FBXO28: variants seen among roughly 807,000 people sequenced by gnomAD.
The protein encoded by FBXO28 is F-box only protein 28.
A neutral mutation model predicts 38.1 loss-of-function variants in FBXO28; 8 were observed. The observed-to-expected ratio is 0.21, with a 90% CI of 0.12 to 0.38. The LOEUF (loss-of-function observed/expected upper bound fraction) is 0.38, where lower values mean the gene tolerates loss of function less well. FBXO28 is among the 10% of genes least tolerant of loss of function. FBXO28 has a pLI of 1.00. For missense variants in FBXO28, 345 were observed against 460.6 expected (o/e 0.75, Z 2.30); for synonymous variants, 168 against 173.8 (o/e 0.97, Z 0.26).
intron 1 of FBXO28, 70 bp from the exon 2 acceptor site, chr1:224,130,402 C>A: frequency 2.0e-6 from 2 of 982,186 alleles, no homozygotes; most frequent in Non-Finnish European, 3.2e-6. Flanking sequence ...AGCTTTAAGC[C>A]ATCAGTTATG....
chr1:224,118,913 T>A (rs1656706461), intron 1 of FBXO28, among the ~76,000 whole-genome samples: 1 of 152,166 alleles, frequency 6.6e-6, no homozygotes, highest in Non-Finnish European at 1.5e-5. Context: ...TGTCAGCACA[T>A]GTCATATTGC....
At chr1:224,121,400 T>A (rs891148742) in intron 1 of FBXO28, among the ~76,000 whole-genome samples, 2 of 152,250 alleles carry the variant, frequency 1.3e-5, no homozygotes, top group East Asian at 3.8e-4. Flanking sequence ...CTAAAATTTG[T>A]TGTAATTCTA....
At chr1:224,135,808 G>A (rs971424248) in intron 3 of FBXO28, among the ~76,000 whole-genome samples, 3 of 152,056 alleles carry the variant, frequency 2.0e-5, no homozygotes, top group Non-Finnish European at 2.9e-5. Context: ...AGGCCGAGAC[G>A]GGCAGATCAC....
chr1:224,126,788 C>T lies in FBXO28; in HGVS notation c.268-3684C>T, dbSNP rs1656913553. 3.3e-5 allele frequency among the ~76,000 whole-genome samples: 5 copies of T among 152,120 alleles called. No homozygotes were observed. The South Asian group carries it at 1.0e-3, about 31-fold the overall frequency. Reference sequence around the variant, plus strand: ...TCACGCCACTGCACCCCAGCCTGGGCAACAGAGCAAGACTCCCTCTAAAAA... The same window carrying T: ...TCACGCCACTGCACCCCAGCCTGGGTAACAGAGCAAGACTCCCTCTAAAAA... On this transcript the variant is annotated intron_variant, in intron 1 of 4. Coordinates refer to ENST00000366862, the MANE Select transcript of FBXO28 (RefSeq NM_015176.4).
chr1:224,150,742 C>G (rs1161821446), intron 3 of FBXO28, among the ~76,000 whole-genome samples: 2 of 152,114 alleles, frequency 1.3e-5, no homozygotes, highest in Admixed American at 6.6e-5. Context: ...TCAGTCTTAC[C>G]TTACAAATGG....
intron 1 of FBXO28, among the ~76,000 whole-genome samples, chr1:224,129,841 T>A (rs1373221507): frequency 6.6e-6 from 1 of 152,028 alleles, no homozygotes; most frequent in South Asian, 2.1e-4. Context: ...TACAAAAAAA[T>A]TAGCCGGGCG....
At chr1:224,122,767 C>G (rs1441870875) in intron 1 of FBXO28, among the ~76,000 whole-genome samples, 2 of 152,136 alleles carry the variant, frequency 1.3e-5, no homozygotes, top group Non-Finnish European at 2.9e-5. Context: ...GAAGGTCTTG[C>G]GCTAGCTCCA....
At chr1:224,148,365 A>C (rs1025366620) in intron 3 of FBXO28, among the ~76,000 whole-genome samples, 6 of 152,166 alleles carry the variant, frequency 3.9e-5, no homozygotes, top group African/African-American at 1.4e-4. Flanking sequence ...ATATGTTAAG[A>C]AACGGCCAGG....
chr1:224,138,047 G>A (rs757811736), intron 3 of FBXO28, among the ~76,000 whole-genome samples: 1 of 151,668 alleles, frequency 6.6e-6, no homozygotes, highest in Non-Finnish European at 1.5e-5. Flanking sequence ...GGCCAACATG[G>A]TGAAACCCTG....
intron 3 of FBXO28, among the ~76,000 whole-genome samples, chr1:224,140,714 G>A (rs963023419): frequency 5.3e-5 from 8 of 152,262 alleles, no homozygotes; most frequent in Admixed American, 3.3e-4. Flanking sequence ...GGAGGCTGAG[G>A]TGGGCGGATC....
At chr1:224,115,671 T>C (rs947162995) in intron 1 of FBXO28, among the ~76,000 whole-genome samples, 3 of 152,238 alleles carry the variant, frequency 2.0e-5, no homozygotes, top group Admixed American at 2.0e-4. Context: ...TCCAAAACGT[T>C]TTCATTCTAG....
At chr1:224,147,420 C>A (rs375435774) in intron 3 of FBXO28, among the ~76,000 whole-genome samples, 272 of 138,972 alleles carry the variant, frequency 2.0e-3, no homozygotes, top group South Asian at 2.5e-3. Context: ...GAGACTGTGT[C>A]AAAAAAAAAA....
intron 1 of FBXO28, among the ~76,000 whole-genome samples, chr1:224,118,491 A>G (rs1460173014): frequency 6.6e-6 from 1 of 152,200 alleles, no homozygotes; most frequent in Non-Finnish European, 1.5e-5. Flanking sequence ...TAAGTTGAGA[A>G]TTCTTGCCTA....
chr1:224,159,827 T>C lies in FBXO28; in HGVS notation c.*2081T>C, dbSNP rs944116991. 6.6e-6 allele frequency: 1 copy of C among 152,198 alleles called. No individual in the cohort carries two copies. Among genetic ancestry groups the C allele is most frequent in the African/African-American group, 2.4e-5 (1 of 41,454 alleles). 9.4% of individuals were successfully genotyped at this position (152,198 alleles called of 1,614,324 possible). Reference sequence around the variant, plus strand: ...TGGTCATTCATGAACTATTAAAAATTTCCTGAATTTCTTTTTAAACTACAT... The same window carrying C: ...TGGTCATTCATGAACTATTAAAAATCTCCTGAATTTCTTTTTAAACTACAT... On this transcript the variant is annotated 3_prime_UTR_variant, in exon 5 of 5. Transcript: ENST00000366862.
In FBXO28 at chr1:224,154,545, A is replaced by G. The variant is rs1053926103; in HGVS notation, c.712+1208A>G. Among the ~76,000 whole-genome samples, 5 of 152,040 alleles carry G rather than the reference A, an allele frequency of 3.3e-5. No homozygotes were observed. In the South Asian group the frequency reaches 6.2e-4, roughly 19 times the overall value. ...AAAAATTGGCCGGGCGCGGTGGCTCATGCCTGTAATCCCAGCACTTTGGGA... is the reference window on the plus strand; with the variant it reads ...AAAAATTGGCCGGGCGCGGTGGCTCGTGCCTGTAATCCCAGCACTTTGGGA... On this transcript the variant is annotated intron_variant, in intron 4 of 4. Transcript: ENST00000366862.
chr1:224,130,356 A>G (rs142337649), intron 1 of FBXO28, 116 bp from the exon 2 acceptor site: 4 of 678,540 alleles, frequency 5.9e-6, no homozygotes, highest in African/African-American at 3.6e-5. Context: ...AAAAAGATAT[A>G]TACAGCAAAC....
intron 1 of FBXO28, among the ~76,000 whole-genome samples, chr1:224,129,641 T>C (rs1402374832): frequency 1.3e-5 from 2 of 152,146 alleles, no homozygotes; most frequent in African/African-American, 4.8e-5. Flanking sequence ...CTAAAGTAAA[T>C]GATACTTTTT....
chr1:224,151,656 G>C (rs547778398), intron 3 of FBXO28, among the ~76,000 whole-genome samples: 1 of 152,188 alleles, frequency 6.6e-6, no homozygotes, highest in Non-Finnish European at 1.5e-5. Context: ...CAGGTTGTTT[G>C]AGATTTTGGT....
rs1048381304 is a variant in FBXO28, at chr1:224,159,199, A to T, written c.*1453A>T. 9.2e-5 allele frequency: 14 copies of T among 152,588 alleles called. No individual in the cohort carries two copies. The highest frequency in any genetic ancestry group is 1.3e-4 in the Non-Finnish European group (9 of 68,028). The allele number at this position is 152,588 out of a possible 1,614,324, so 9.5% of individuals were successfully genotyped here. A position where few individuals can be genotyped will look rare whatever the true frequency, so the allele number is the denominator to read the frequency against. On this transcript the variant is annotated 3_prime_UTR_variant, in exon 5 of 5. Coordinates refer to ENST00000366862, the MANE Select transcript of FBXO28 (RefSeq NM_015176.4). ...TATTTAAAGTAAATTTAGGTGTAAT[A>T]TAGAAAACTGTCCCTTTCCAGGTGG...
Sources: gnomAD v4.1 joint callset for allele counts (sites outside exome capture counted in the v4.1 genomes callset) on GRCh38, gnomAD v4.1.1 for gene constraint, MANE v1.5 for transcripts, NCBI Gene and HGNC (gene_info 2026-07-23, HGNC 2026-07-21) for gene names.